Variants in PTGFRN observed in about 807,000 individuals in gnomAD.
The protein encoded by PTGFRN is prostaglandin F2 receptor inhibitor, also known as prostaglandin F2 receptor negative regulator.
Under a neutral mutation model 83.2 loss-of-function variants are expected in PTGFRN, and 35 were observed. That is an observed-to-expected ratio of 0.42 (90% confidence interval 0.32 to 0.56). The LOEUF is 0.56. PTGFRN is among the 20% of genes least tolerant of loss of function. The pLI, the probability that PTGFRN is intolerant of heterozygous loss-of-function variation, is 0.11. For missense variants in PTGFRN, 1,051 were observed against 1,179.5 expected, an observed-to-expected ratio of 0.89 and a Z score of 1.60; for synonymous variants, 519 against 498.6, an observed-to-expected ratio of 1.04 and a Z score of -0.55.
At chr1:116,983,079 T>A (rs1651365647) in intron 7 of PTGFRN, among the ~76,000 whole-genome samples, 1 of 152,214 alleles carries the variant, frequency 6.6e-6, no homozygotes, top group Non-Finnish European at 1.5e-5. Context: ...ACTTACTGTG[T>A]TCCAGGTGCT....
In PTGFRN at chr1:116,989,022, G is replaced by A. The variant is rs1651616944; in HGVS notation, c.*2055G>A. On this transcript the variant is annotated 3_prime_UTR_variant, in exon 9 of 9. Coordinates refer to ENST00000393203, the MANE Select transcript of PTGFRN (RefSeq NM_020440.4). ...AGATATTTAAACAGGTGCTGTATTAGTAACAGCCAGTGCCCTTTCAGCCCT... is the reference window on the plus strand; with the variant it reads ...AGATATTTAAACAGGTGCTGTATTAATAACAGCCAGTGCCCTTTCAGCCCT... 6.6e-6 allele frequency: 1 copy of A among 152,236 alleles called. No homozygotes were observed. The allele number at this position is 152,236 out of a possible 1,614,324, so 9.4% of individuals were successfully genotyped here. A position where few individuals can be genotyped will look rare whatever the true frequency, so the allele number is the denominator to read the frequency against.
chr1:116,929,725 A>C (rs977369883), intron 1 of PTGFRN, among the ~76,000 whole-genome samples: 1 of 152,124 alleles, frequency 6.6e-6, no homozygotes. Flanking sequence ...GGTCTACTTC[A>C]TCACTGTCTC....
rs1414073129 is a variant in PTGFRN, at chr1:116,944,671, C to T, written c.419-8C>T. The T allele has an allele frequency of 2.1e-6, 3 of 1,410,666 alleles. No individual in the cohort carries two copies. The highest frequency in any genetic ancestry group is 2.8e-6 in the Non-Finnish European group (3 of 1,082,652). 87.4% of individuals were successfully genotyped at this position (1,410,666 alleles called of 1,614,324 possible). ...ACGGGCTACTGACCTAGCTTTCTCTCTCCGCAGTGCTGGCCGACTCCCTGC... is the reference window on the plus strand; with the variant it reads ...ACGGGCTACTGACCTAGCTTTCTCTTTCCGCAGTGCTGGCCGACTCCCTGC... On this transcript the variant is annotated splice_region_variant and splice_polypyrimidine_tract_variant and intron_variant, in intron 2 of 8. Transcript: ENST00000393203.
chr1:116,921,976 A>G (rs1216812541), intron 1 of PTGFRN, among the ~76,000 whole-genome samples: 1 of 152,202 alleles, frequency 6.6e-6, no homozygotes, highest in Non-Finnish European at 1.5e-5. Context: ...AAATGTGTAC[A>G]GGTTGGTGTC....
Position 116,966,912 on chromosome 1 carries a change from T to C in PTGFRN, c.1641T>C (p.Asp547=), listed in dbSNP as rs199587183. The C allele has an allele frequency of 9.4e-6, 15 of 1,592,994 alleles. No homozygotes were observed. The highest frequency in any genetic ancestry group is 1.3e-5 in the African/African-American group (1 of 74,540). ...CATCCTTCTGGTCATTCATTCCAGATTCCGTGCTTGTGGTGAAGGCGAGGC... is the reference window on the plus strand; with the variant it reads ...CATCCTTCTGGTCATTCATTCCAGACTCCGTGCTTGTGGTGAAGGCGAGGC... ...KPVNIFWALE[D]SVLVVKARQP... Residue 547 remains aspartate, a splice_region_variant and synonymous_variant, in exon 6 of 9, where the codon GAT becomes GAC. Transcript: ENST00000393203.
intron 1 of PTGFRN, among the ~76,000 whole-genome samples, chr1:116,936,778 G>A (rs180965994): frequency 6.6e-6 from 1 of 152,282 alleles, no homozygotes; most frequent in East Asian, 1.9e-4. Context: ...GGTCTTGTAT[G>A]TCTTTTATTC....
chr1:116,910,209 G>T lies in PTGFRN; in HGVS notation c.6G>T (p.Gly2=). 2.7e-6 allele frequency: 4 copies of T among 1,473,170 alleles called. No homozygotes were observed. The allele number at this position is 1,473,170 out of a possible 1,614,324, so 91.3% of individuals were successfully genotyped here. The change falls in exon 1 of 9, where the codon GGG becomes GGT. Residue 2 remains glycine (G), a synonymous_variant. Coordinates refer to ENST00000393203, the MANE Select transcript of PTGFRN (RefSeq NM_020440.4). M[G]RLASRPLLLA... ...GTCGCTCCCGCCGGGCGAGCATGGG[G>T]CGCCTGGCCTCGAGGCCGCTGCTGC... is the stretch of plus-strand genomic sequence containing the variant.
intron 1 of PTGFRN, among the ~76,000 whole-genome samples, chr1:116,929,500 A>G (rs1283379700): frequency 2.0e-5 from 3 of 152,186 alleles, no homozygotes; most frequent in Admixed American, 2.0e-4. Flanking sequence ...GTGATCAGTC[A>G]CAGTGATCTT....
Position 116,956,681 on chromosome 1 carries a change from G to T in PTGFRN, c.1214-4562G>T, listed in dbSNP as rs59904610. Among the ~76,000 whole-genome samples, 688 of 152,212 alleles carry T rather than the reference G, an allele frequency of 4.5e-3. 2 individuals carry two copies. Among genetic ancestry groups the T allele is most frequent in the African/African-American group, 0.016 (655 of 41,514 alleles). On this transcript the variant is annotated intron_variant, in intron 4 of 8. Transcript: ENST00000393203. ...GTGGAGGGCCTCGAATGCCAGGCTG[G>T]GGAGCATTTTCTTAACTCAGTAGGT... is the stretch of plus-strand genomic sequence containing the variant.
rs183218065 is a variant in PTGFRN, at chr1:116,979,175, A to T, written c.2167+4852A>T. On this transcript the variant is annotated intron_variant, in intron 7 of 8. Coordinates refer to ENST00000393203, the MANE Select transcript of PTGFRN (RefSeq NM_020440.4). Reference sequence around the variant, plus strand: ...ATCCAACTTACAAGGGATGTGAAGGACCTCTTCAAGGAGAACTGCAAACCA... The same window carrying T: ...ATCCAACTTACAAGGGATGTGAAGGTCCTCTTCAAGGAGAACTGCAAACCA... Among the ~76,000 whole-genome samples, 151 of 152,306 alleles carry T rather than the reference A, an allele frequency of 9.9e-4. 2 individuals carry two copies. The highest frequency in any genetic ancestry group is 6.8e-3 in the Middle Eastern group (2 of 294).
chr1:116,925,000 G>C (rs923655367), intron 1 of PTGFRN, among the ~76,000 whole-genome samples: 1 of 152,224 alleles, frequency 6.6e-6, no homozygotes, highest in African/African-American at 2.4e-5. Flanking sequence ...GCTGGGGGCT[G>C]AGGTGGGGAA....
At chr1:116,935,794 C>T (rs781687002) in intron 1 of PTGFRN, among the ~76,000 whole-genome samples, 1 of 151,982 alleles carries the variant, frequency 6.6e-6, no homozygotes, top group Non-Finnish European at 1.5e-5. Flanking sequence ...AATGGTCCAT[C>T]AACAGGTATT....
chr1:116,968,907 A>G (rs1650914168), intron 6 of PTGFRN, among the ~76,000 whole-genome samples: 1 of 152,108 alleles, frequency 6.6e-6, no homozygotes, highest in East Asian at 1.9e-4. Flanking sequence ...TGGCTGAATA[A>G]TATTTCATTG....
chr1:116,941,067 T>G lies in PTGFRN; in HGVS notation c.50-648T>G, dbSNP rs1650046636. 6.6e-6 allele frequency among the ~76,000 whole-genome samples: 1 copy of G among 152,154 alleles called. No individual in the cohort carries two copies. Among genetic ancestry groups the G allele is most frequent in the East Asian group, 1.9e-4 (1 of 5,200 alleles). On this transcript the variant is annotated intron_variant, in intron 1 of 8. Coordinates refer to ENST00000393203, the MANE Select transcript of PTGFRN (RefSeq NM_020440.4). The surrounding 1 kb of genome is among the most constrained non-coding windows in gnomAD (Gnocchi z 5.0). Reference sequence around the variant, plus strand: ...ACACCCAGCAACCAACCTGCCTCTCTCCCTTTGTGCTTCCACATCCTCATT... The same window carrying G: ...ACACCCAGCAACCAACCTGCCTCTCGCCCTTTGTGCTTCCACATCCTCATT...
intron 6 of PTGFRN, among the ~76,000 whole-genome samples, chr1:116,971,253 G>A (rs572592077): frequency 3.0e-4 from 46 of 151,812 alleles, no homozygotes; most frequent in African/African-American, 1.1e-3. Context: ...TTAATACCAC[G>A]TTTAATGACT....
At chr1:116,934,891 G>A (rs1649883438) in intron 1 of PTGFRN, among the ~76,000 whole-genome samples, 1 of 152,188 alleles carries the variant, frequency 6.6e-6, no homozygotes, top group African/African-American at 2.4e-5. Flanking sequence ...TTTTAGTCTT[G>A]ATGAGAGCTA....
intron 4 of PTGFRN, among the ~76,000 whole-genome samples, chr1:116,957,479 CCAA>C (rs1433063517): frequency 6.6e-6 from 1 of 151,780 alleles, no homozygotes; most frequent in Non-Finnish European, 1.5e-5. Flanking sequence ...TCAAGTCACT[CCAA>C]CATGTTTTTT....
At position 116,986,902 on chromosome 1, in the gene PTGFRN, T is replaced by C. The variant is rs2101094897; in HGVS notation, c.2575T>C (p.Cys859Arg). Residue 859 changes from cysteine (C) to arginine (R), a missense_variant, in exon 9 of 9, where the codon TGT becomes CGT. Coordinates refer to ENST00000393203, the MANE Select transcript of PTGFRN (RefSeq NM_020440.4). The part of the protein sequence containing the change: ...LIGYCSSHWC[C>R]KKEVQETRRE... ...CGGGTACTGCAGCTCCCACTGGTGT[T>C]GTAAGAAGGAGGTTCAGGAGACACG... The C allele has an allele frequency of 1.2e-6, 2 of 1,614,222 alleles. No individual in the cohort carries two copies. Among genetic ancestry groups the C allele is most frequent in the Non-Finnish European group, 8.5e-7 (1 of 1,180,032 alleles).
intron 2 of PTGFRN, 56 bp from the exon 3 acceptor site, chr1:116,944,623 C>T: frequency 7.4e-7 from 1 of 1,347,330 alleles, no homozygotes; most frequent in Non-Finnish European, 9.6e-7. Flanking sequence ...TGGGCTGGCC[C>T]TTGCCGGCTG....
Sources: allele counts gnomAD v4.1 joint callset (sites outside exome capture counted in the v4.1 genomes callset), GRCh38; gene constraint gnomAD v4.1.1; non-coding constraint Gnocchi (gnomAD v3.1); transcripts MANE v1.5; gene names NCBI Gene and HGNC (gene_info 2026-07-23, HGNC 2026-07-21).